The following UNC13A variants were observed in gnomAD, a reference collection of about 807,000 sequenced individuals.
UNC13A encodes unc-13 homolog A, also known as protein unc-13 homolog A.
A neutral mutation model predicts 219.7 loss-of-function variants in UNC13A; 61 were observed. The observed-to-expected ratio is 0.28, with a 90% CI of 0.23 to 0.34. UNC13A has a LOEUF of 0.34. Ranked by LOEUF, UNC13A falls within the 10% of genes least tolerant of loss-of-function variation. The probability of loss-of-function intolerance (pLI) is 1.00; values close to 1 mark genes in which losing one functional copy is unlikely to be tolerated. For synonymous variants in UNC13A, 920 were observed against 884.6 expected (o/e 1.04, Z -0.71); for missense variants, 1,476 against 2,270.3 (o/e 0.65, Z 7.11).
In UNC13A at chr19:17,604,805, G is replaced by C. The variant is rs1213429821; in HGVS notation, c.*1249C>G. On this transcript the variant is annotated 3_prime_UTR_variant, in exon 44 of 44. Coordinates refer to ENST00000519716, the MANE Select transcript of UNC13A (RefSeq NM_001080421.3). ...GAGGTATCCTGTGGCTTGGGTGTTT[G>C]AATCAATGAATAGGCTCTTGGAGAC... 1 of 152,242 alleles carries C rather than the reference G, an allele frequency of 6.6e-6. No homozygotes were observed. The highest frequency in any genetic ancestry group is 6.5e-5 in the Admixed American group (1 of 15,278). The allele number at this position is 152,242 out of a possible 1,614,324, so 9.4% of individuals were successfully genotyped here.
At chr19:17,635,337 C>A (rs572436259) in intron 26 of UNC13A, among the ~76,000 whole-genome samples, 15 of 152,144 alleles carry the variant, frequency 9.9e-5, no homozygotes, top group Non-Finnish European at 2.1e-4. Context: ...ATCCACCCAC[C>A]CTTCAATCCA....
At chr19:17,662,915 G>A (rs1214796567) in intron 8 of UNC13A, among the ~76,000 whole-genome samples, 18 of 129,596 alleles carry the variant, frequency 1.4e-4, no homozygotes, top group African/African-American at 1.8e-4. Flanking sequence ...GTGAGACTCC[G>A]TCTCAAAAAA....
At chr19:17,665,749 G>T (rs115976839) in intron 7 of UNC13A, among the ~76,000 whole-genome samples, 1,825 of 152,320 alleles carry the variant, frequency 0.012, 39 homozygotes, top group African/African-American at 0.042. Context: ...GCTGCTCGGG[G>T]TTTGTGCTGG....
In UNC13A at chr19:17,663,162, T is replaced by C. The variant is rs562326066; in HGVS notation, c.559+370A>G. ...CACATTTCCAAGTGGAGAAGGAAGA[T>C]AGGAAGACCAAAAGGCAGGGGCTAC... On this transcript the variant is annotated intron_variant, in intron 8 of 43. Transcript: ENST00000519716. Among the ~76,000 whole-genome samples the C allele has an allele frequency of 7.3e-5, 11 of 151,678 alleles. No homozygotes were observed. The South Asian group carries it at 2.1e-3, about 29-fold the overall frequency.
intron 11 of UNC13A, among the ~76,000 whole-genome samples, chr19:17,653,537 T>C (rs1046067057): frequency 1.3e-5 from 2 of 151,700 alleles, no homozygotes; most frequent in Non-Finnish European, 2.9e-5. Context: ...TTAGTAGAGG[T>C]GGGGTTTCAC....
At chr19:17,645,949 G>A in intron 18 of UNC13A, 21 bp downstream of exon 18, 1 of 1,608,754 alleles carries the variant, frequency 6.2e-7, no homozygotes, top group Non-Finnish European at 8.5e-7. Context: ...CATGGGGCCA[G>A]GGACCCAGCC....
intron 1 of UNC13A, among the ~76,000 whole-genome samples, chr19:17,680,916 A>C (rs1599419743): frequency 4.2e-5 from 1 of 23,634 alleles, no homozygotes; most frequent in East Asian, 4.0e-4. Context: ...TTTTTTTGAC[A>C]GGGTCTCTCT....
intron 6 of UNC13A, among the ~76,000 whole-genome samples, chr19:17,667,682 C>T (rs2079683183): frequency 6.6e-6 from 1 of 151,840 alleles, no homozygotes; most frequent in Admixed American, 6.6e-5. Context: ...ACCGTGTTGG[C>T]CAGGCTGGTC....
intron 41 of UNC13A, 57 bp downstream of exon 41, chr19:17,617,645 T>C: frequency 6.3e-7 from 1 of 1,595,608 alleles, no homozygotes. Context: ...CGTTCAGGCT[T>C]GGGGCGGGGC....
chr19:17,646,651 G>A (rs1225361282), intron 17 of UNC13A, among the ~76,000 whole-genome samples: 3 of 152,042 alleles, frequency 2.0e-5, no homozygotes, highest in South Asian at 4.1e-4. Context: ...ATTGCCCCCC[G>A]AGATCTCCTG....
intron 36 of UNC13A, 116 bp downstream of exon 36, chr19:17,623,426 A>C: frequency 1.3e-5 from 7 of 551,686 alleles, no homozygotes; most frequent in Admixed American, 3.0e-5. Flanking sequence ...GGGAGGGAGG[A>C]TGGTGGGTGA....
intron 1 of UNC13A, among the ~76,000 whole-genome samples, chr19:17,687,690 C>T (rs2080140488): frequency 6.6e-6 from 1 of 152,018 alleles, no homozygotes; most frequent in Non-Finnish European, 1.5e-5. Flanking sequence ...CTTACATCCC[C>T]ACGGCTTGGA....
At position 17,606,064 on chromosome 19, in the gene UNC13A, G is replaced by A. The variant is rs760261470; in HGVS notation, c.5102C>T (p.Pro1701Leu). ...TRSAEEGGAA[P>L]AP ...GGCCGACCGCCCGCGCTAAGGCGCA[G>A]GCGCGGCACCGCCCTCCTCGGCGGA... The change falls in exon 44 of 44, where the codon CCT becomes CTT. Residue 1701 changes from proline to leucine, a missense_variant. Transcript: ENST00000519716. The A allele has an allele frequency of 1.3e-6, 2 of 1,566,814 alleles. No individual in the cohort carries two copies. The highest frequency in any genetic ancestry group is 1.2e-5 in the South Asian group (1 of 85,884).
intron 12 of UNC13A, among the ~76,000 whole-genome samples, chr19:17,650,290 G>T (rs2145076531): frequency 1.3e-5 from 2 of 152,172 alleles, no homozygotes; most frequent in South Asian, 4.1e-4. Flanking sequence ...GAGGCGGGCG[G>T]ATCACCTGAG....
chr19:17,630,868 C>T (rs2076835779), intron 28 of UNC13A, 118 bp from the exon 29 acceptor site: 1 of 849,058 alleles, frequency 1.2e-6, no homozygotes, highest in African/African-American at 1.7e-5. Context: ...GCCTGGAGCT[C>T]TCCCTGCAGC....
intron 43 of UNC13A, among the ~76,000 whole-genome samples, chr19:17,607,941 A>G (rs1205931063): frequency 7.1e-6 from 1 of 140,924 alleles, no homozygotes. Flanking sequence ...GTGCCGTGGT[A>G]CAATCATGGC....
chr19:17,649,357 C>A lies in UNC13A; in HGVS notation c.1519-13G>T. The A allele has an allele frequency of 6.3e-7, 1 of 1,599,930 alleles. No individual in the cohort carries two copies. The highest frequency in any genetic ancestry group is 2.2e-5 in the East Asian group (1 of 44,544). On this transcript the variant is annotated splice_polypyrimidine_tract_variant and intron_variant, in intron 13 of 43. Coordinates refer to ENST00000519716, the MANE Select transcript of UNC13A (RefSeq NM_001080421.3). This position sits in a 1 kb window ranked among gnomAD's most constrained non-coding sequence, Gnocchi z 4.4. ...CACTCACCATGGCCTGAAGTGTCCACGCAGCACATGGGGGTAGAAATCAGA... is the reference window on the plus strand; with the variant it reads ...CACTCACCATGGCCTGAAGTGTCCAAGCAGCACATGGGGGTAGAAATCAGA...
At chr19:17,667,454 A>T (rs1019590941) in intron 6 of UNC13A, among the ~76,000 whole-genome samples, 1 of 151,922 alleles carries the variant, frequency 6.6e-6, no homozygotes, top group African/African-American at 2.4e-5. Flanking sequence ...GAAAAGTAAA[A>T]TTTTTTATTT....
Position 17,632,911 on chromosome 19 carries a change from G to A in UNC13A, c.3302-3C>T, listed in dbSNP as rs752527787. The A allele has an allele frequency of 6.2e-7, 1 of 1,613,886 alleles. No individual in the cohort carries two copies. Among genetic ancestry groups the A allele is most frequent in the Non-Finnish European group, 8.5e-7 (1 of 1,179,890 alleles). ...GCATAGACGATGCTTGTCGTGCTCT[G>A]GCCAGGGACAAAGAGGATGGCACAG... is the stretch of plus-strand genomic sequence containing the variant. On this transcript the variant is annotated splice_region_variant and splice_polypyrimidine_tract_variant and intron_variant, in intron 27 of 43. Transcript: ENST00000519716.
Sources: gnomAD v4.1 joint callset for allele counts (sites outside exome capture counted in the v4.1 genomes callset) on GRCh38, gnomAD v4.1.1 for gene constraint, Gnocchi (gnomAD v3.1) non-coding constraint, MANE v1.5 for transcripts, NCBI Gene and HGNC (gene_info 2026-07-23, HGNC 2026-07-21) for gene names.